SGSM1: variants seen among roughly 807,000 people sequenced by gnomAD.
SGSM1 encodes the protein RUN and TBC1 domain containing 2.
A neutral mutation model predicts 133.8 loss-of-function variants in SGSM1; 73 were observed. The observed-to-expected ratio is 0.55, with a 90% CI of 0.45 to 0.66. The LOEUF (loss-of-function observed/expected upper bound fraction) is 0.66. SGSM1 is among the 30% of genes least tolerant of loss of function. SGSM1 has a pLI of 0.00. For synonymous variants in SGSM1, 563 were observed against 573.0 expected, an observed-to-expected ratio of 0.98 and a Z score of 0.25; for missense variants, 1,213 against 1,448.1, an observed-to-expected ratio of 0.84 and a Z score of 2.64.
At chr22:24,856,518 C>T (rs771391470) in intron 8 of SGSM1, among the ~76,000 whole-genome samples, 8 of 152,188 alleles carry the variant, frequency 5.3e-5, no homozygotes, top group Non-Finnish European at 1.0e-4. Context: ...TGCCTTCATG[C>T]AGTGTCTCCT....
chr22:24,846,404 A>C (rs1264654690), intron 3 of SGSM1, among the ~76,000 whole-genome samples: 3 of 152,124 alleles, frequency 2.0e-5, no homozygotes, highest in African/African-American at 7.2e-5. Context: ...GTATGTGTAT[A>C]TATACATATA....
chr22:24,877,201 A>G (rs1932067715), intron 13 of SGSM1, among the ~76,000 whole-genome samples: 1 of 152,190 alleles, frequency 6.6e-6, no homozygotes, highest in South Asian at 2.1e-4. Flanking sequence ...CAGCCCTACC[A>G]TACACCTAGA....
intron 2 of SGSM1, among the ~76,000 whole-genome samples, chr22:24,836,067 C>T (rs577834331): frequency 3.3e-5 from 5 of 152,200 alleles, no homozygotes; most frequent in East Asian, 1.9e-4. Context: ...GATCTCTTTT[C>T]GAAAGATAAA....
intron 22 of SGSM1, among the ~76,000 whole-genome samples, chr22:24,917,055 CTTTTTT>C (rs139775): frequency 2.5e-5 from 3 of 118,472 alleles, no homozygotes; most frequent in South Asian, 5.7e-4. Context: ...ATAAAAAATT[CTTTTTT>C]TTTTTTTTTT....
chr22:24,893,676 G>A (rs762156373), intron 17 of SGSM1, 63 bp downstream of exon 17: 32 of 1,461,968 alleles, frequency 2.2e-5, no homozygotes, highest in Non-Finnish European at 2.7e-5. Context: ...GCTTCATTGG[G>A]CTGTTCTAAG....
chr22:24,870,063 A>G (rs1202755224), intron 12 of SGSM1, among the ~76,000 whole-genome samples: 3 of 152,340 alleles, frequency 2.0e-5, no homozygotes, highest in African/African-American at 7.2e-5. Flanking sequence ...TGAAGCAGCC[A>G]CGTGCTGGGC....
intron 12 of SGSM1, among the ~76,000 whole-genome samples, chr22:24,872,371 C>G (rs1931807408): frequency 6.6e-6 from 1 of 152,096 alleles, no homozygotes; most frequent in South Asian, 2.1e-4. Context: ...GAGATTGTCT[C>G]TGTACTGTCT....
intron 2 of SGSM1, among the ~76,000 whole-genome samples, chr22:24,817,416 C>T (rs1027131316): frequency 1.3e-5 from 2 of 151,626 alleles, no homozygotes; most frequent in African/African-American, 2.4e-5. Flanking sequence ...GCAGTGGCGC[C>T]ATCTCGGCTC....
At chr22:24,879,329 C>G in intron 13 of SGSM1, 133 bp from the exon 14 acceptor site, 1 of 753,318 alleles carries the variant, frequency 1.3e-6, no homozygotes, top group Non-Finnish European at 2.2e-6. Context: ...GAGGTAATAG[C>G]AGCCCTCCCT....
In SGSM1 at chr22:24,868,872, C is replaced by CG; in HGVS notation, c.1291+20dup. 6.2e-7 allele frequency: 1 copy of CG among 1,611,892 alleles called. No individual in the cohort carries two copies. The highest frequency in any genetic ancestry group is 1.8e-4 in the Middle Eastern group (1 of 5,508). ...CGGAATTCGGTGAGCTGCCCTGTCCCGGGCCCCGGGGAGTCACCTGCTAAC... is the reference window on the plus strand; with the variant it reads ...CGGAATTCGGTGAGCTGCCCTGTCCCGGGGCCCCGGGGAGTCACCTGCTAAC... On this transcript the variant is annotated intron_variant, in intron 12 of 24. Coordinates refer to ENST00000400358, the MANE Select transcript of SGSM1 (RefSeq NM_001098497.3).
chr22:24,919,908 C>G lies in SGSM1; in HGVS notation c.3108C>G (p.Phe1036Leu), dbSNP rs747889393. 6.2e-7 allele frequency: 1 copy of G among 1,614,014 alleles called. No homozygotes were observed. Among genetic ancestry groups the G allele is most frequent in the South Asian group, 1.1e-5 (1 of 91,072 alleles). Residue 1036 changes from phenylalanine to leucine, a missense_variant, in exon 24 of 25, where the codon TTC becomes TTG. Physicochemically the swap from Phe to Leu is conservative, Grantham distance 22 (BLOSUM62 0). Coordinates refer to ENST00000400358, the MANE Select transcript of SGSM1 (RefSeq NM_001098497.3). ...KHVSSAHYVL[F>L]IALALVEVYR... ...TCTCCTCTGCGCACTACGTCCTGTTCATTGCGCTGGCTCTGGTGGAAGTCT... is the reference window on the plus strand; with the variant it reads ...TCTCCTCTGCGCACTACGTCCTGTTGATTGCGCTGGCTCTGGTGGAAGTCT...
At position 24,837,306 on chromosome 22, in the gene SGSM1, G is replaced by A. The variant is rs558188283; in HGVS notation, c.64-7591G>A. ...CTGCCTGGCAGCTGAGGCAGAGAGA[G>A]AGAGGAGACAGAGAGAAAGACAGCT... On this transcript the variant is annotated intron_variant, in intron 2 of 24. Coordinates refer to ENST00000400358, the MANE Select transcript of SGSM1 (RefSeq NM_001098497.3). 1.0e-3 allele frequency among the ~76,000 whole-genome samples: 158 copies of A among 152,346 alleles called. 1 individual carries two copies. The highest frequency in any genetic ancestry group is 1.9e-3 in the Non-Finnish European group (130 of 68,024).
At chr22:24,842,125 T>C (rs1929842017) in intron 2 of SGSM1, among the ~76,000 whole-genome samples, 1 of 152,224 alleles carries the variant, frequency 6.6e-6, no homozygotes, top group South Asian at 2.1e-4. Flanking sequence ...GGCAACTGCC[T>C]TCCAGCAGTT....
intron 2 of SGSM1, among the ~76,000 whole-genome samples, chr22:24,827,273 C>T (rs978808159): frequency 6.6e-6 from 1 of 152,120 alleles, no homozygotes; most frequent in Admixed American, 6.5e-5. Context: ...CCAGAATCCC[C>T]CTTCCTGCCT....
At chr22:24,886,450 T>C (rs1246561398) in intron 15 of SGSM1, 150 bp from the exon 16 acceptor site, 3 of 992,470 alleles carry the variant, frequency 3.0e-6, no homozygotes, top group Non-Finnish European at 4.3e-6. Context: ...ACGCCTGTAA[T>C]CCCAGCACTT....
At chr22:24,821,671 G>A (rs554381791) in intron 2 of SGSM1, among the ~76,000 whole-genome samples, 4 of 152,278 alleles carry the variant, frequency 2.6e-5, no homozygotes, top group South Asian at 2.1e-4. Context: ...GCTGAAAGTC[G>A]GGATCCCTGC....
chr22:24,868,935 G>GTGGCA (rs1931617360), intron 12 of SGSM1, 80 bp downstream of exon 12: 1 of 1,555,480 alleles, frequency 6.4e-7, no homozygotes, highest in Non-Finnish European at 8.7e-7. Flanking sequence ...GAAACTAGAA[G>GTGGCA]ATGACAGGTC....
chr22:24,841,843 C>A (rs1035975637), intron 2 of SGSM1, among the ~76,000 whole-genome samples: 8 of 152,198 alleles, frequency 5.3e-5, no homozygotes, highest in Non-Finnish European at 1.2e-4. Flanking sequence ...CTTACTGCAA[C>A]CTCTGCCTCC....
At position 24,806,351 on chromosome 22, in the gene SGSM1, G is replaced by A. The variant is rs1217018771; in HGVS notation, c.19+7G>A. The stretch of plus-strand genomic sequence containing the variant: ...ATGGCCTCGGCCCCCGCGGGTAAGA[G>A]GCCGCTGGACACGAGGGCGGCGGGA... On this transcript the variant is annotated splice_region_variant and intron_variant, in intron 1 of 24. Coordinates refer to ENST00000400358, the MANE Select transcript of SGSM1 (RefSeq NM_001098497.3). 2.0e-6 allele frequency: 3 copies of A among 1,486,546 alleles called. No homozygotes were observed. The highest frequency in any genetic ancestry group is 2.7e-6 in the Non-Finnish European group (3 of 1,120,226). The allele number at this position is 1,486,546 out of a possible 1,614,324, so 92.1% of individuals were successfully genotyped here. A position where few individuals can be genotyped will look rare whatever the true frequency, so the allele number is the denominator to read the frequency against.
Sources: allele counts gnomAD v4.1 joint callset (sites outside exome capture counted in the v4.1 genomes callset), GRCh38; gene constraint gnomAD v4.1.1; transcripts MANE v1.5; gene names NCBI Gene and HGNC (gene_info 2026-07-23, HGNC 2026-07-21).